Variants in APOBEC1 observed in about 807,000 individuals in gnomAD.
The protein encoded by APOBEC1 is C->U-editing enzyme APOBEC-1.
A neutral mutation model predicts 26.3 loss-of-function variants in APOBEC1; 22 were observed. That is an observed-to-expected ratio of 0.84 (90% CI 0.60 to 1.19). The LOEUF (loss-of-function observed/expected upper bound fraction) is 1.19, where lower values mean the gene tolerates loss of function less well. Ranked by LOEUF, APOBEC1 falls within the 50% of genes most tolerant of loss-of-function variation. APOBEC1 has a pLI of 0.00. For synonymous variants in APOBEC1, 77 were observed against 95.3 expected, an observed-to-expected ratio of 0.81 and a Z score of 1.12; for missense variants, 253 against 289.0, an observed-to-expected ratio of 0.88 and a Z score of 0.90.
chr12:7,651,386 G>A (rs370297776), intron 3 of APOBEC1, among the ~76,000 whole-genome samples: 1 of 151,920 alleles, frequency 6.6e-6, no homozygotes, highest in African/African-American at 2.4e-5. Context: ...GAGGCCGAGG[G>A]GGGTGGATCA....
At position 7,660,410 on chromosome 12, in the gene APOBEC1, A is replaced by AAGAAAGAACGAAAGAAAGAAAGAAAG. The variant is rs111744018; in HGVS notation, c.16+5446_16+5447insCTTTCTTTCTTTCTTTCGTTCTTTCT. Reference sequence around the variant, plus strand: ...AAAGAAAGAAAGAAAGAAAGAAAGAAAGAGAGGGTATTTGGGCCAGGGACA... The same window carrying AAGAAAGAACGAAAGAAAGAAAGAAAG: ...AAAGAAAGAAAGAAAGAAAGAAAGAAAGAAAGAACGAAAGAAAGAAAGAAAGAGAGAGGGTATTTGGGCCAGGGACA... On this transcript the variant is annotated intron_variant, in intron 1 of 4. Coordinates refer to ENST00000229304, the MANE Select transcript of APOBEC1 (RefSeq NM_001644.5). Among the ~76,000 whole-genome samples the AAGAAAGAACGAAAGAAAGAAAGAAAG allele has an allele frequency of 5.9e-5, 5 of 84,270 alleles. 1 individual carries two copies. The highest frequency in any genetic ancestry group is 2.3e-4 in the African/African-American group (5 of 21,792). The allele number at this position is 84,270 out of a possible 152,430, so 55.3% of individuals were successfully genotyped here.
intron 2 of APOBEC1, among the ~76,000 whole-genome samples, chr12:7,653,174 C>T (rs1863670736): frequency 6.6e-6 from 1 of 152,068 alleles, no homozygotes; most frequent in Non-Finnish European, 1.5e-5. Flanking sequence ...TTGTGATTCG[C>T]CCACCTCAGC....
At chr12:7,649,765 A>C in intron 4 of APOBEC1, 69 bp from the exon 5 acceptor site, 2 of 1,158,362 alleles carry the variant, frequency 1.7e-6, no homozygotes, top group Non-Finnish European at 2.4e-6. Flanking sequence ...ATCACCACAA[A>C]CATTTAAAAA....
intron 1 of APOBEC1, among the ~76,000 whole-genome samples, chr12:7,660,240 T>G: frequency 6.8e-6 from 1 of 147,826 alleles, no homozygotes. Context: ...GAGGCAGAGG[T>G]TGCAGTGAGC....
intron 1 of APOBEC1, among the ~76,000 whole-genome samples, chr12:7,663,109 C>T (rs1355866784): frequency 6.6e-6 from 1 of 152,094 alleles, no homozygotes; most frequent in Non-Finnish European, 1.5e-5. Flanking sequence ...GAAATTCATC[C>T]CACGCTCCTG....
chr12:7,664,026 T>C (rs987510305), intron 1 of APOBEC1, among the ~76,000 whole-genome samples: 4 of 152,046 alleles, frequency 2.6e-5, no homozygotes, highest in Admixed American at 2.6e-4. Flanking sequence ...CAGCTAATTT[T>C]GTATTTTTAA....
chr12:7,666,451 G>A (rs1440069900), upstream of APOBEC1, among the ~76,000 whole-genome samples: 2 of 151,566 alleles, frequency 1.3e-5, no homozygotes, highest in African/African-American at 4.9e-5. Context: ...CCAACACCAC[G>A]CCCGGCTAAT....
At chr12:7,649,759 C>A in intron 4 of APOBEC1, 63 bp from the exon 5 acceptor site, 1 of 1,180,482 alleles carries the variant, frequency 8.5e-7, no homozygotes, top group Non-Finnish European at 1.2e-6. Flanking sequence ...AATATTATCA[C>A]CACAAACATT....
intron 1 of APOBEC1, among the ~76,000 whole-genome samples, chr12:7,659,322 A>AAAAATATATATAT (rs1555094633): frequency 2.2e-5 from 1 of 46,292 alleles, no homozygotes; most frequent in African/African-American, 1.3e-4. Flanking sequence ...AAAAAAAAAA[A>AAAAATATATATAT]ATATATATAT....
At chr12:7,655,095 G>A (rs1863694668) in intron 1 of APOBEC1, among the ~76,000 whole-genome samples, 1 of 152,182 alleles carries the variant, frequency 6.6e-6, no homozygotes, top group African/African-American at 2.4e-5. Context: ...TATAATCCCA[G>A]CTACTCGGGT....
chr12:7,661,108 C>A (rs9645753), intron 1 of APOBEC1, among the ~76,000 whole-genome samples: 18,362 of 147,536 alleles, frequency 0.12, 1,186 homozygotes, highest in South Asian at 0.22. Context: ...CGGGAGGCTG[C>A]AGCAGGAGAA....
In APOBEC1 at chr12:7,653,175, C is replaced by T. The variant is rs376504384; in HGVS notation, c.45-340G>A. Among the ~76,000 whole-genome samples the T allele has an allele frequency of 3.9e-5, 6 of 152,086 alleles. No homozygotes were observed. The East Asian group carries it at 1.2e-3, about 30-fold the overall frequency. Reference sequence around the variant, plus strand: ...TCAAACTCCTGACCTTGTGATTCGCCCACCTCAGCCTCCCAAAGTGCTGGG... The same window carrying T: ...TCAAACTCCTGACCTTGTGATTCGCTCACCTCAGCCTCCCAAAGTGCTGGG... On this transcript the variant is annotated intron_variant, in intron 2 of 4. Coordinates refer to ENST00000229304, the MANE Select transcript of APOBEC1 (RefSeq NM_001644.5).
At chr12:7,669,009 G>A (rs1239435438), upstream of APOBEC1, among the ~76,000 whole-genome samples, 4 of 152,086 alleles carry the variant, frequency 2.6e-5, no homozygotes, top group African/African-American at 7.2e-5. Context: ...TGGGATTACA[G>A]GTGTGAGCCA....
chr12:7,666,003 T>C, upstream of APOBEC1: 3 of 946,740 alleles, frequency 3.2e-6, no homozygotes, highest in Admixed American at 5.1e-5. Flanking sequence ...TCTCAGGCAG[T>C]TATGGGAATC....
intron 4 of APOBEC1, among the ~76,000 whole-genome samples, chr12:7,649,972 C>G (rs1241729232): frequency 6.6e-6 from 1 of 151,960 alleles, no homozygotes; most frequent in Non-Finnish European, 1.5e-5. Context: ...CGCACCACCA[C>G]ACCCAGCTAA....
intron 1 of APOBEC1, among the ~76,000 whole-genome samples, chr12:7,658,344 G>A (rs1286543815): frequency 2.0e-5 from 3 of 152,190 alleles, no homozygotes; most frequent in African/African-American, 4.8e-5. Context: ...GATTACAGGC[G>A]TGAGCCACCG....
chr12:7,652,110 C>CCA, intron 3 of APOBEC1, among the ~76,000 whole-genome samples: 1 of 152,288 alleles, frequency 6.6e-6, no homozygotes, highest in East Asian at 1.9e-4. Flanking sequence ...GCGTGAGCCA[C>CCA]CGCACCTGGC....
At chr12:7,664,590 C>A (rs948741334) in intron 1 of APOBEC1, among the ~76,000 whole-genome samples, 2 of 152,154 alleles carry the variant, frequency 1.3e-5, no homozygotes, top group African/African-American at 4.8e-5. Flanking sequence ...ATTCAATCAA[C>A]CTGGAATCTC....
chr12:7,662,453 C>T (rs1030061839), intron 1 of APOBEC1, among the ~76,000 whole-genome samples: 2 of 151,896 alleles, frequency 1.3e-5, no homozygotes, highest in African/African-American at 4.8e-5. Flanking sequence ...CATGTTGGCA[C>T]GTGCCTGTAA....
Sources: gnomAD v4.1 joint callset for allele counts (sites outside exome capture counted in the v4.1 genomes callset) on GRCh38, gnomAD v4.1.1 for gene constraint, MANE v1.5 for transcripts, NCBI Gene and HGNC (gene_info 2026-07-23, HGNC 2026-07-21) for gene names.